Variants in DAGLB observed in about 807,000 individuals in gnomAD.
The protein encoded by DAGLB is diacylglycerol lipase beta.
Under a neutral mutation model 72.1 loss-of-function variants are expected in DAGLB, and 66 were observed. That is an observed-to-expected ratio of 0.92 (90% CI 0.75 to 1.12). DAGLB has a LOEUF of 1.12. Among genes scored for constraint, DAGLB ranks in the 50% most tolerant of loss-of-function variants. The pLI, the probability that DAGLB is intolerant of heterozygous loss-of-function variation, is 0.00. For missense variants in DAGLB, 1,065 were observed against 884.9 expected (o/e 1.20, Z -2.58); for synonymous variants, 414 against 359.5 (o/e 1.15, Z -1.71).
Position 6,410,344 on chromosome 7 carries a change from A to C in DAGLB, c.1606T>G (p.Phe536Val). 1 of 1,613,916 alleles carries C rather than the reference A, an allele frequency of 6.2e-7. No individual in the cohort carries two copies. The highest frequency in any genetic ancestry group is 8.5e-7 in the Non-Finnish European group (1 of 1,179,908). Reference protein sequence around the residue: ...ILLHGLWYELFGGNPNNLPTE... With the variant: ...ILLHGLWYELVGGNPNNLPTE... ...GGCAAGTTGTTGGGGTTTCCTCCAA[A>C]CAGTTCGTACCACAAACCGTGCAGC... Residue 536 changes from phenylalanine (F) to valine (V), a missense_variant, in exon 14 of 15, where the codon TTT becomes GTT. Physicochemically the swap from Phe to Val is conservative, Grantham distance 50 (BLOSUM62 -1). Coordinates refer to ENST00000297056, the MANE Select transcript of DAGLB (RefSeq NM_139179.4).
At chr7:6,432,751 A>C in intron 5 of DAGLB, 86 bp downstream of exon 5, 1 of 1,451,788 alleles carries the variant, frequency 6.9e-7, no homozygotes, top group Non-Finnish European at 9.1e-7. Flanking sequence ...GGGAGGAAGA[A>C]ATTGCTATAG....
At chr7:6,447,014 A>G (rs1444832891) in intron 1 of DAGLB, among the ~76,000 whole-genome samples, 5 of 152,052 alleles carry the variant, frequency 3.3e-5, no homozygotes, top group Admixed American at 3.3e-4. Flanking sequence ...TGTCTCAAAA[A>G]AATAAAAAGA....
chr7:6,421,333 C>G (rs1342053292), intron 9 of DAGLB, among the ~76,000 whole-genome samples: 2 of 145,462 alleles, frequency 1.4e-5, no homozygotes, highest in Non-Finnish European at 3.0e-5. Flanking sequence ...GCGCAGGCAG[C>G]GCGGGAGGCG....
In DAGLB at chr7:6,421,312, CAG is replaced by C. The variant is rs1784112128; in HGVS notation, c.1218+413_1218+414del. ...TCCCAGGGCTGCTGTGAGAATCAGG[CAG>C]CGCGGGAGGCGCAGGCAGCGCGGGA... is the stretch of plus-strand genomic sequence containing the variant. On this transcript the variant is annotated intron_variant, in intron 9 of 14. Transcript: ENST00000297056. Among the ~76,000 whole-genome samples, 2 of 39,348 alleles carry C rather than the reference CAG, an allele frequency of 5.1e-5. 1 individual carries two copies. Among genetic ancestry groups the C allele is most frequent in the African/African-American group, 8.4e-4 (2 of 2,392 alleles). The allele number at this position is 39,348 out of a possible 152,430, so 25.8% of individuals were successfully genotyped here. A position where few individuals can be genotyped will look rare whatever the true frequency, so the allele number is the denominator to read the frequency against.
chr7:6,424,516 G>A lies in DAGLB; in HGVS notation c.1140+236C>T, dbSNP rs12539027. Among the ~76,000 whole-genome samples the A allele has an allele frequency of 9.0e-3, 1,363 of 152,114 alleles. 24 individuals carry two copies. The highest frequency in any genetic ancestry group is 0.031 in the African/African-American group (1,306 of 41,502). On this transcript the variant is annotated intron_variant, in intron 8 of 14. Coordinates refer to ENST00000297056, the MANE Select transcript of DAGLB (RefSeq NM_139179.4). ...GGTGCCCTCTGGGAGCTCCTGTGGC[G>A]GGGGGGCCAACCTGCTGGCCGCTCT... is the stretch of plus-strand genomic sequence containing the variant.
chr7:6,434,467 G>T (rs538466891), intron 4 of DAGLB, among the ~76,000 whole-genome samples: 20 of 152,164 alleles, frequency 1.3e-4, no homozygotes, highest in Admixed American at 9.8e-4. Flanking sequence ...ATTCTCAAAG[G>T]GTACAGCGTC....
chr7:6,416,995 T>A, intron 9 of DAGLB, 74 bp from the exon 10 acceptor site: 1 of 1,523,172 alleles, frequency 6.6e-7, no homozygotes, highest in Non-Finnish European at 9.1e-7. Flanking sequence ...AAAGATGGGA[T>A]GACGCTGTGC....
At chr7:6,415,306 A>G (rs1343446718) in intron 11 of DAGLB, among the ~76,000 whole-genome samples, 1 of 152,044 alleles carries the variant, frequency 6.6e-6, no homozygotes, top group Non-Finnish European at 1.5e-5. Context: ...GCACTTATAC[A>G]TTCTCCTGTT....
rs79783938 is a variant in DAGLB at position 6,421,740 on chromosome 7, C to T, written c.1205G>A (p.Arg402His). 5.2e-5 allele frequency: 83 copies of T among 1,610,292 alleles called. No homozygotes were observed. In the East Asian group the frequency reaches 9.6e-4, roughly 19 times the overall value. Residue 402 changes from arginine (R) to histidine (H), a missense_variant, in exon 9 of 15, where the codon CGC (arginine) becomes CAC (histidine). Arg to His is a conservative substitution (Grantham distance 29, BLOSUM62 0). Coordinates refer to ENST00000297056, the MANE Select transcript of DAGLB (RefSeq NM_139179.4). ...VLDVECEVQDRLAHKGISQAA... is the reference protein window; with the variant it reads ...VLDVECEVQDHLAHKGISQAA... Reference sequence around the variant, plus strand: ...CCGCGCTCATACCTTGTGTGCCAGGCGGTCCTGCACCTCACACTCCACGTC... The same window carrying T: ...CCGCGCTCATACCTTGTGTGCCAGGTGGTCCTGCACCTCACACTCCACGTC...
Position 6,410,189 on chromosome 7 carries a change from G to T in DAGLB, c.1761C>A (p.Tyr587Ter), listed in dbSNP as rs960883296. ...TCCTGCCGGGAGGGTAGAGAGGGGG[G>T]TACTTGGGAGAAGAGTCCAGTGGGG... ...SDSPLDSSPK[Y>*]PPLYPPGRII... Residue 587 changes from tyrosine (Y) to a stop codon, truncating the protein, a stop_gained, in exon 14 of 15, where the codon TAC becomes TAA. Coordinates refer to ENST00000297056, the MANE Select transcript of DAGLB (RefSeq NM_139179.4). LOFTEE classifies it high-confidence loss of function. 6.3e-7 allele frequency: 1 copy of T among 1,599,474 alleles called. No homozygotes were observed. Among genetic ancestry groups the T allele is most frequent in the South Asian group, 1.1e-5 (1 of 89,646 alleles).
At chr7:6,412,062 T>C (rs1002576593) in intron 13 of DAGLB, among the ~76,000 whole-genome samples, 4 of 152,076 alleles carry the variant, frequency 2.6e-5, no homozygotes, top group African/African-American at 9.6e-5. Flanking sequence ...TTACAGGCAC[T>C]CACCACCACC....
chr7:6,423,275 C>T (rs578107433), intron 8 of DAGLB, among the ~76,000 whole-genome samples: 2 of 152,176 alleles, frequency 1.3e-5, no homozygotes, highest in South Asian at 4.1e-4. Flanking sequence ...ATCAAACAGA[C>T]TGGGGAGATG....
intron 3 of DAGLB, among the ~76,000 whole-genome samples, chr7:6,435,724 A>G (rs1455476953): frequency 6.6e-6 from 1 of 152,008 alleles, no homozygotes; most frequent in African/African-American, 2.4e-5. Flanking sequence ...CCTCTCATCT[A>G]TATGTTTAAA....
intron 13 of DAGLB, 29 bp downstream of exon 13, chr7:6,412,782 C>A: frequency 6.4e-7 from 1 of 1,563,696 alleles, no homozygotes; most frequent in Non-Finnish European, 8.7e-7. Flanking sequence ...CCGTGTCCTG[C>A]TGACCCTCTC....
intron 2 of DAGLB, among the ~76,000 whole-genome samples, chr7:6,444,629 T>C (rs983142665): frequency 2.0e-5 from 3 of 151,440 alleles, no homozygotes; most frequent in Admixed American, 2.0e-4. Flanking sequence ...AATAAAAGGA[T>C]CAATAGCCTA....
At chr7:6,437,989 G>A (rs569297807) in intron 2 of DAGLB, among the ~76,000 whole-genome samples, 1 of 152,310 alleles carries the variant, frequency 6.6e-6, no homozygotes, top group East Asian at 1.9e-4. Flanking sequence ...TAGAATGACT[G>A]AAATAGTTAC....
intron 13 of DAGLB, among the ~76,000 whole-genome samples, chr7:6,411,161 C>T (rs1274822803): frequency 5.9e-5 from 9 of 152,036 alleles, no homozygotes; most frequent in African/African-American, 7.2e-5. Flanking sequence ...CGTGAGCCAC[C>T]GCGCCCGGCC....
chr7:6,436,779 G>T (rs900243205), intron 2 of DAGLB, among the ~76,000 whole-genome samples: 1 of 151,982 alleles, frequency 6.6e-6, no homozygotes, highest in Non-Finnish European at 1.5e-5. Flanking sequence ...AACACTTCTG[G>T]GTTCTCACTG....
chr7:6,411,873 A>C (rs919536938), intron 13 of DAGLB, among the ~76,000 whole-genome samples: 2 of 152,020 alleles, frequency 1.3e-5, no homozygotes, highest in African/African-American at 4.8e-5. Flanking sequence ...ATAATTTTTA[A>C]GTTTTTTTTC....
Sources: gnomAD v4.1 joint callset for allele counts (sites outside exome capture counted in the v4.1 genomes callset) on GRCh38, gnomAD v4.1.1 for gene constraint, MANE v1.5 for transcripts, NCBI Gene and HGNC (gene_info 2026-07-23, HGNC 2026-07-21) for gene names.